GPR160: variants seen among roughly 807,000 people sequenced by gnomAD.
The protein encoded by GPR160 is probable G protein-coupled receptor 160.
Under a neutral mutation model 2.6 loss-of-function variants are expected in GPR160, and 2 were observed. The observed-to-expected ratio is 0.77, with a 90% CI of 0.32 to 2.44. The LOEUF is 2.44. Ranked by LOEUF, GPR160 falls within the 30% of genes most tolerant of loss-of-function variation. The pLI, the probability that GPR160 is intolerant of heterozygous loss-of-function variation, is 0.11. For synonymous variants in GPR160, 130 were observed against 132.2 expected (o/e 0.98, Z 0.12); for missense variants, 351 against 383.6 (o/e 0.91, Z 0.71).
At chr3:170,065,165 G>A (rs1383110491) in intron 2 of GPR160, among the ~76,000 whole-genome samples, 1 of 152,148 alleles carries the variant, frequency 6.6e-6, no homozygotes, top group East Asian at 1.9e-4. Context: ...AAAAAATAAA[G>A]TTTTATTTTA....
chr3:170,052,759 A>G (rs1488101442), intron 2 of GPR160, among the ~76,000 whole-genome samples: 1 of 152,006 alleles, frequency 6.6e-6, no homozygotes, highest in Non-Finnish European at 1.5e-5. Context: ...TTTTTTTTCT[A>G]TTTGGTGCTT....
At chr3:170,041,297 GAT>G (rs1491417271) in intron 2 of GPR160, among the ~76,000 whole-genome samples, 13 of 131,904 alleles carry the variant, frequency 9.9e-5, no homozygotes, top group Admixed American at 7.6e-4. Context: ...AGGATGTAAA[GAT>G]TTTTTTTTTT....
intron 2 of GPR160, 31 bp from the exon 3 acceptor site, chr3:170,079,743 T>C (rs1183619825): frequency 6.6e-6 from 1 of 152,248 alleles, no homozygotes; most frequent in East Asian, 1.9e-4. Context: ...CTCTTAATGA[T>C]GTTTCATTTT....
At chr3:170,068,371 T>C (rs1041426261) in intron 2 of GPR160, among the ~76,000 whole-genome samples, 18 of 152,296 alleles carry the variant, frequency 1.2e-4, no homozygotes, top group African/African-American at 4.3e-4. Flanking sequence ...GCCAGGCTGG[T>C]CTCAAACTCC....
intron 2 of GPR160, among the ~76,000 whole-genome samples, chr3:170,064,089 T>A (rs1321070095): frequency 2.6e-5 from 4 of 152,286 alleles, no homozygotes; most frequent in Admixed American, 6.5e-5. Flanking sequence ...GTGAAGCGGC[T>A]GTATTTTTTT....
intron 2 of GPR160, among the ~76,000 whole-genome samples, chr3:170,076,711 T>C (rs1712868623): frequency 6.6e-6 from 1 of 151,984 alleles, no homozygotes; most frequent in African/African-American, 2.4e-5. Context: ...GCCTGGCTAA[T>C]TTTTGTATTT....
intron 2 of GPR160, among the ~76,000 whole-genome samples, chr3:170,061,363 T>C (rs1711944844): frequency 6.6e-6 from 1 of 151,820 alleles, no homozygotes; most frequent in African/African-American, 2.4e-5. Flanking sequence ...AAATATGTGA[T>C]CCTTGATTGG....
chr3:170,072,441 T>C (rs1712645150), intron 2 of GPR160, among the ~76,000 whole-genome samples: 1 of 152,184 alleles, frequency 6.6e-6, no homozygotes, highest in South Asian at 2.1e-4. Context: ...CCGTTGTTTC[T>C]TTAAGTTGTG....
At chr3:170,078,045 T>A (rs1712953825) in intron 2 of GPR160, 1 of 152,242 alleles carries the variant, frequency 6.6e-6, no homozygotes, top group Non-Finnish European at 1.5e-5. Context: ...AGAAACAGCA[T>A]ATAAAAGTAT....
At chr3:170,076,813 C>T (rs1205018231) in intron 2 of GPR160, among the ~76,000 whole-genome samples, 1 of 152,038 alleles carries the variant, frequency 6.6e-6, no homozygotes, top group Admixed American at 6.6e-5. Context: ...CAAAGTGCTG[C>T]GATTACAGGC....
chr3:170,049,874 G>A (rs1716878741), intron 2 of GPR160: 1 of 152,386 alleles, frequency 6.6e-6, no homozygotes. Flanking sequence ...GGGAGCTGGA[G>A]CAGGTGGTGG....
intron 2 of GPR160, among the ~76,000 whole-genome samples, chr3:170,059,316 A>G (rs1219213915): frequency 6.6e-6 from 1 of 152,244 alleles, no homozygotes; most frequent in East Asian, 1.9e-4. Flanking sequence ...CACTATATCA[A>G]ATTGATTACA....
chr3:170,046,394 C>T (rs1716721365), intron 2 of GPR160, among the ~76,000 whole-genome samples: 2 of 152,296 alleles, frequency 1.3e-5, no homozygotes, highest in South Asian at 4.1e-4. Context: ...AACTCCAACC[C>T]CTTATGAGAG....
intron 2 of GPR160, among the ~76,000 whole-genome samples, chr3:170,076,688 C>T (rs1317332478): frequency 6.6e-6 from 1 of 151,986 alleles, no homozygotes; most frequent in Non-Finnish European, 1.5e-5. Flanking sequence ...GGATTACAGG[C>T]GCCCGCCACC....
At chr3:170,051,792 C>T (rs1237731605) in intron 2 of GPR160, among the ~76,000 whole-genome samples, 1 of 151,974 alleles carries the variant, frequency 6.6e-6, no homozygotes, top group Non-Finnish European at 1.5e-5. Flanking sequence ...TGACTTTTTC[C>T]CTAATGGTGC....
rs1713320778 is a variant in GPR160, at chr3:170,084,582, G to A, written c.610G>A (p.Val204Ile). Residue 204 changes from valine to isoleucine, a missense_variant, in exon 4 of 4, where the codon GTT becomes ATT. Physicochemically the swap from Val to Ile is conservative, Grantham distance 29. Coordinates refer to ENST00000355897, the MANE Select transcript of GPR160 (RefSeq NM_014373.3). ...FVAFITCWEEVTTLVQAIRIT... is the reference protein window; with the variant it reads ...FVAFITCWEEITTLVQAIRIT... The stretch of plus-strand genomic sequence containing the variant: ...AGCTTTCATAACCTGTTGGGAAGAA[G>A]TTACTACTTTGGTACAGGCTATCAG... 6.2e-7 allele frequency: 1 copy of A among 1,613,458 alleles called. No individual in the cohort carries two copies. Among genetic ancestry groups the A allele is most frequent in the African/African-American group, 1.3e-5 (1 of 75,046 alleles).
At chr3:170,064,628 TCTGCCTCAGCCTC>T (rs537330718) in intron 2 of GPR160, among the ~76,000 whole-genome samples, 6 of 150,936 alleles carry the variant, frequency 4.0e-5, no homozygotes, top group Non-Finnish European at 4.4e-5. Flanking sequence ...AAGCGATTCT[TCTGCCTCAGCCTC>T]CTGAGTAGCT....
rs573867807 is a variant in GPR160, at chr3:170,079,227, T to A, written c.-192-547T>A. On this transcript the variant is annotated intron_variant, in intron 2 of 3. Coordinates refer to ENST00000355897, the MANE Select transcript of GPR160 (RefSeq NM_014373.3). ...AGCCCCCTAGCTGCTGTTACACTGCTTATCTGTGTCTGAGTACTCCTTTCA... is the reference window on the plus strand; with the variant it reads ...AGCCCCCTAGCTGCTGTTACACTGCATATCTGTGTCTGAGTACTCCTTTCA... 3.9e-5 allele frequency among the ~76,000 whole-genome samples: 6 copies of A among 152,328 alleles called. No individual in the cohort carries two copies. The South Asian group carries it at 8.3e-4, about 21-fold the overall frequency.
rs1185140083 is a variant in GPR160, at chr3:170,038,254, G to C, written c.-322+39G>C. On this transcript the variant is annotated intron_variant, in intron 1 of 3. Coordinates refer to ENST00000355897, the MANE Select transcript of GPR160 (RefSeq NM_014373.3). The surrounding 1 kb of genome is among the most constrained non-coding windows in gnomAD (Gnocchi z 5.3). ...CAGGTGGAGGGCGCCCGGCGCTCTC[G>C]CCACCGGCGTCCCAGCCTCGGGGCG... The C allele has an allele frequency of 1.3e-5, 2 of 152,122 alleles. No individual in the cohort carries two copies. The highest frequency in any genetic ancestry group is 2.9e-5 in the Non-Finnish European group (2 of 67,992). 9.4% of individuals were successfully genotyped at this position (152,122 alleles called of 1,614,324 possible).
Sources: allele counts gnomAD v4.1 joint callset (sites outside exome capture counted in the v4.1 genomes callset), GRCh38; gene constraint gnomAD v4.1.1; non-coding constraint Gnocchi (gnomAD v3.1); transcripts MANE v1.5; gene names NCBI Gene and HGNC (gene_info 2026-07-23, HGNC 2026-07-21).